The following RAPGEF2 variants were observed in gnomAD, a reference collection of about 807,000 sequenced individuals.
RAPGEF2 encodes PDZ domain containing guanine nucleotide exchange factor (GEF) 1.
In RAPGEF2, 54 loss-of-function variants were observed where a neutral mutation model predicts 186.7. The observed-to-expected ratio is 0.29, with a 90% CI of 0.23 to 0.36. RAPGEF2 has a LOEUF of 0.36. Among genes scored for constraint, RAPGEF2 ranks in the 10% least tolerant of loss-of-function variants. RAPGEF2 has a pLI of 1.00. For synonymous variants in RAPGEF2, 712 were observed against 705.9 expected (o/e 1.01, Z -0.14); for missense variants, 1,532 against 2,045.0 (o/e 0.75, Z 4.84).
chr4:159,170,057 TCA>T (rs367700374), intron 1 of RAPGEF2, among the ~76,000 whole-genome samples: 2 of 151,088 alleles, frequency 1.3e-5, no homozygotes, highest in African/African-American at 4.9e-5. Flanking sequence ...TCTCTTTTCT[TCA>T]CATCCTCTTC....
intron 11 of RAPGEF2, chr4:159,328,864 A>G (rs1766289392): frequency 6.6e-6 from 1 of 152,110 alleles, no homozygotes; most frequent in Non-Finnish European, 1.5e-5. Flanking sequence ...TGATTATCGT[A>G]ATATTTAGTA....
At chr4:159,152,042 C>A (rs1267454221) in intron 1 of RAPGEF2, among the ~76,000 whole-genome samples, 1 of 152,146 alleles carries the variant, frequency 6.6e-6, no homozygotes, top group Non-Finnish European at 1.5e-5. Context: ...AATAAATGGG[C>A]CAGATGTGAT....
chr4:159,312,233 G>A (rs1444741980), intron 8 of RAPGEF2, among the ~76,000 whole-genome samples: 1 of 152,038 alleles, frequency 6.6e-6, no homozygotes, highest in East Asian at 1.9e-4. Context: ...GTCTTTGGTA[G>A]TGTCCTTTCT....
chr4:159,325,236 G>T (rs983461569), intron 11 of RAPGEF2, among the ~76,000 whole-genome samples: 1 of 151,856 alleles, frequency 6.6e-6, no homozygotes, highest in Non-Finnish European at 1.5e-5. Context: ...TGCCAGAAAC[G>T]CATTCTAAAT....
At chr4:159,213,159 C>T (rs1174758750) in intron 4 of RAPGEF2, among the ~76,000 whole-genome samples, 1 of 152,130 alleles carries the variant, frequency 6.6e-6, no homozygotes, top group African/African-American at 2.4e-5. Context: ...CAGTTTGCAC[C>T]GTCCAAGTTG....
intron 25 of RAPGEF2, among the ~76,000 whole-genome samples, chr4:159,348,242 A>AGATAGATAGATAGATAGATGGATGGATG (rs544061786): frequency 2.8e-5 from 4 of 145,068 alleles, no homozygotes; most frequent in African/African-American, 1.1e-4. Flanking sequence ...ATAGATAGAT[A>AGATAGATAGATAGATAGATGGATGGATG]GATGGATGGA....
Position 159,267,115 on chromosome 4 carries a change from A to C in RAPGEF2, c.543+23324A>C, listed in dbSNP as rs888316813. 20 of 1,221,502 alleles carry C rather than the reference A, an allele frequency of 1.6e-5. No homozygotes were observed. In the East Asian group the frequency reaches 1.1e-3, roughly 67 times the overall value. The allele number at this position is 1,221,502 out of a possible 1,614,324, so 75.7% of individuals were successfully genotyped here. On this transcript the variant is annotated intron_variant, in intron 7 of 29. Coordinates refer to ENST00000691494, the MANE Select transcript of RAPGEF2 (RefSeq NM_001394067.2). ...GGGAGGGTGAGAGAGAAATCCACTT[A>C]CATCACTAGAACTGCATTGAGTGTG...
At chr4:159,239,352 A>C (rs1753672830) in intron 5 of RAPGEF2, among the ~76,000 whole-genome samples, 1 of 152,284 alleles carries the variant, frequency 6.6e-6, no homozygotes, top group Admixed American at 6.5e-5. Context: ...GTTCACTGTT[A>C]ATTCATTCAT....
At chr4:159,269,044 A>G (rs1405940094) in intron 7 of RAPGEF2, among the ~76,000 whole-genome samples, 1 of 152,198 alleles carries the variant, frequency 6.6e-6, no homozygotes, top group Non-Finnish European at 1.5e-5. Context: ...ACATCCTAGC[A>G]TCTAGCAGGT....
chr4:159,293,458 G>A (rs113218490), intron 7 of RAPGEF2, among the ~76,000 whole-genome samples: 93 of 152,238 alleles, frequency 6.1e-4, no homozygotes, highest in African/African-American at 1.7e-3. Context: ...AATAAATGTC[G>A]TTTGACTAGT....
At chr4:159,140,988 C>T (rs1253679849) in intron 1 of RAPGEF2, among the ~76,000 whole-genome samples, 6 of 152,062 alleles carry the variant, frequency 3.9e-5, no homozygotes, top group Non-Finnish European at 5.9e-5. Flanking sequence ...CCTGCCACCA[C>T]GGCTGGCTAA....
intron 18 of RAPGEF2, among the ~76,000 whole-genome samples, 155 bp from the exon 19 acceptor site, chr4:159,338,959 G>A (rs778922049): frequency 1.1e-4 from 16 of 152,230 alleles, no homozygotes. Context: ...AAAACAGCAT[G>A]TAGATTGATT....
chr4:159,304,415 A>G lies in RAPGEF2; in HGVS notation c.617A>G (p.His206Arg), dbSNP rs199568378. The G allele has an allele frequency of 3.1e-6, 5 of 1,602,250 alleles. No individual in the cohort carries two copies. In the Admixed American group the frequency reaches 6.7e-5, roughly 21 times the overall value. The change falls in exon 8 of 30, where the codon CAT (histidine) becomes CGT (arginine). Residue 206 changes from histidine to arginine, a missense_variant. By Grantham distance (29) the His-to-Arg change is conservative (BLOSUM62 0). Transcript: ENST00000691494. ...CAGGTGACCCACGTTTCTTCTAGCC[A>G]TTCAGGATGTAGTATCACTAGTGAT... ...HPQVTHVSSS[H>R]SGCSITSDSG...
chr4:159,231,055 G>A (rs1752580236), intron 4 of RAPGEF2, among the ~76,000 whole-genome samples: 1 of 152,098 alleles, frequency 6.6e-6, no homozygotes, highest in South Asian at 2.1e-4. Flanking sequence ...CACATATACA[G>A]TGGTCATCCC....
chr4:159,182,761 G>A (rs1459309601), intron 1 of RAPGEF2, among the ~76,000 whole-genome samples: 2 of 152,004 alleles, frequency 1.3e-5, no homozygotes, highest in East Asian at 3.8e-4. Context: ...TGTCATCTGT[G>A]TCCTTATATA....
chr4:159,342,616 A>ATT (rs1554041277), intron 20 of RAPGEF2, among the ~76,000 whole-genome samples: 2 of 118,332 alleles, frequency 1.7e-5, no homozygotes, highest in African/African-American at 3.2e-5. Context: ...ATTTTATTTT[A>ATT]TTACTAGAGG....
intron 26 of RAPGEF2, chr4:159,351,182 G>A (rs1469943316): frequency 2.6e-6 from 4 of 1,534,156 alleles, no homozygotes; most frequent in Admixed American, 3.9e-5. Flanking sequence ...TATGGGATAG[G>A]TGGGGTTTAT....
At chr4:159,325,205 T>C (rs1765760945) in intron 11 of RAPGEF2, among the ~76,000 whole-genome samples, 1 of 152,104 alleles carries the variant, frequency 6.6e-6, no homozygotes, top group Admixed American at 6.5e-5. Context: ...AGGCTATGAC[T>C]TCAGTGTTTT....
At chr4:159,260,594 T>G (rs1756715829) in intron 7 of RAPGEF2, among the ~76,000 whole-genome samples, 1 of 152,174 alleles carries the variant, frequency 6.6e-6, no homozygotes, top group South Asian at 2.1e-4. Context: ...ACCACTAACA[T>G]TCAGCCTCTA....
Sources: gnomAD v4.1 joint callset for allele counts (sites outside exome capture counted in the v4.1 genomes callset) on GRCh38, gnomAD v4.1.1 for gene constraint, MANE v1.5 for transcripts, NCBI Gene and HGNC (gene_info 2026-07-23, HGNC 2026-07-21) for gene names.